The following ZFR2 variants were observed in gnomAD, a reference collection of about 807,000 sequenced individuals.
The protein encoded by ZFR2 is zinc finger RNA binding protein 2, also known as zinc finger RNA-binding protein 2.
ZFR2 carries 104 observed loss-of-function variants against 105.7 expected under a neutral mutation model. The observed-to-expected ratio is 0.98, with a 90% CI of 0.84 to 1.16. The LOEUF (loss-of-function observed/expected upper bound fraction) is 1.16, where lower values mean the gene tolerates loss of function less well. Ranked by LOEUF, ZFR2 falls within the 50% of genes most tolerant of loss-of-function variation. The pLI is 0.00. For missense variants in ZFR2, 1,425 were observed against 1,355.5 expected, an observed-to-expected ratio of 1.05 and a Z score of -0.80; for synonymous variants, 634 against 597.7, an observed-to-expected ratio of 1.06 and a Z score of -0.89.
In ZFR2 at chr19:3,852,672, T is replaced by C. The variant is rs561076539; in HGVS notation, c.53+16293A>G. The C allele has an allele frequency of 4.7e-5, 32 of 678,802 alleles. No homozygotes were observed. The South Asian group carries it at 5.0e-4, about 11-fold the overall frequency. The allele number at this position is 678,802 out of a possible 1,614,324, so 42.0% of individuals were successfully genotyped here. A position where few individuals can be genotyped will look rare whatever the true frequency, so the allele number is the denominator to read the frequency against. ...CATGGATATAAGGGTGGATGAAGGA[T>C]GAAGGCATTTTGGCAACAATCTGCC... On this transcript the variant is annotated intron_variant, in intron 1 of 18. Transcript: ENST00000262961.
intron 1 of ZFR2, among the ~76,000 whole-genome samples, chr19:3,859,179 T>A (rs2038341533): frequency 6.6e-6 from 1 of 152,028 alleles, no homozygotes; most frequent in South Asian, 2.1e-4. Flanking sequence ...ACTGGCTGAG[T>A]CTACAGGCCT....
intron 1 of ZFR2, among the ~76,000 whole-genome samples, chr19:3,868,428 A>C (rs1045316108): frequency 6.8e-5 from 10 of 146,986 alleles, no homozygotes; most frequent in Non-Finnish European, 9.0e-5. Flanking sequence ...GCCCAGCCAG[A>C]CACCCTCCTA....
intron 1 of ZFR2, among the ~76,000 whole-genome samples, chr19:3,865,789 A>G (rs554222919): frequency 1.7e-4 from 26 of 152,304 alleles, no homozygotes; most frequent in Non-Finnish European, 3.4e-4. Context: ...AAATTGGTAC[A>G]CAAAATCTGG....
intron 1 of ZFR2, among the ~76,000 whole-genome samples, chr19:3,843,241 C>T (rs1471732320): frequency 1.3e-5 from 2 of 151,890 alleles, no homozygotes; most frequent in Non-Finnish European, 1.5e-5. Flanking sequence ...GTGGCCGAGG[C>T]GGGCGGATCA....
chr19:3,828,834 C>G (rs1400180573), intron 5 of ZFR2, among the ~76,000 whole-genome samples: 1 of 152,194 alleles, frequency 6.6e-6, no homozygotes, highest in Non-Finnish European at 1.5e-5. Context: ...TGGGCACTGC[C>G]CCGTCACCTG....
chr19:3,851,227 C>G (rs1003987121), intron 1 of ZFR2, among the ~76,000 whole-genome samples: 2 of 152,050 alleles, frequency 1.3e-5, no homozygotes, highest in African/African-American at 2.4e-5. Flanking sequence ...GGGTGATGGA[C>G]AGGGGGACAG....
Position 3,813,868 on chromosome 19 carries a change from T to C in ZFR2, c.2194A>G (p.Ile732Val), listed in dbSNP as rs1346842184. The change falls in exon 14 of 19, where the codon ATA becomes GTA. Residue 732 changes from isoleucine (I) to valine (V), a missense_variant. Transcript: ENST00000262961. The surrounding 1 kb of genome is among the most constrained non-coding windows in gnomAD (Gnocchi z 4.4). ...CGCATCAGAGGTGAGGTGACAGATA[T>C]GGTGACCTGCATCCTGGGCTCCTCA... ...SCEEPRMQVT[I>V]SVTSPLMRED... The C allele has an allele frequency of 1.2e-6, 2 of 1,613,766 alleles. No homozygotes were observed. Among genetic ancestry groups the C allele is most frequent in the Admixed American group, 1.7e-5 (1 of 59,996 alleles).
intron 1 of ZFR2, among the ~76,000 whole-genome samples, chr19:3,863,788 TGTGA>T (rs1335448703): frequency 6.6e-6 from 1 of 152,190 alleles, no homozygotes; most frequent in African/African-American, 2.4e-5. Flanking sequence ...CAGCCCTGAC[TGTGA>T]GTGAGGCACT....
Position 3,804,031 on chromosome 19 carries a change from G to T in ZFR2, c.*1918C>A, listed in dbSNP as rs1382909678. The T allele has an allele frequency of 6.6e-6, 1 of 152,312 alleles. No individual in the cohort carries two copies. Among genetic ancestry groups the T allele is most frequent in the African/African-American group, 2.4e-5 (1 of 41,440 alleles). 9.4% of individuals were successfully genotyped at this position (152,312 alleles called of 1,614,324 possible). A position where few individuals can be genotyped will look rare whatever the true frequency, so the allele number is the denominator to read the frequency against. ...GGCACGGCTCACACAAAAGACAAAT[G>T]ATTTCCTTTATTCCCCCTGCCTCCC... On this transcript the variant is annotated 3_prime_UTR_variant, in exon 19 of 19. Coordinates refer to ENST00000262961, the MANE Select transcript of ZFR2 (RefSeq NM_015174.2).
At chr19:3,867,302 G>GT (rs1422470509) in intron 1 of ZFR2, among the ~76,000 whole-genome samples, 2 of 68,110 alleles carry the variant, frequency 2.9e-5, no homozygotes, top group African/African-American at 1.6e-4. Context: ...ATGATCAACT[G>GT]TTGGGGGGGG....
chr19:3,855,059 T>C (rs1422087139), intron 1 of ZFR2, among the ~76,000 whole-genome samples: 1 of 151,996 alleles, frequency 6.6e-6, no homozygotes, highest in Non-Finnish European at 1.5e-5. Context: ...TGTGCCCAGC[T>C]AATTTTTTAA....
chr19:3,807,039 C>G (rs994056615), intron 18 of ZFR2, 133 bp downstream of exon 18: 42 of 685,884 alleles, frequency 6.1e-5, no homozygotes, highest in Non-Finnish European at 9.8e-5. Flanking sequence ...CACCCACGGG[C>G]CGCCCTCCTG....
chr19:3,858,812 C>G lies in ZFR2; in HGVS notation c.53+10153G>C, dbSNP rs750369485. 2.0e-5 allele frequency among the ~76,000 whole-genome samples: 3 copies of G among 152,096 alleles called. No individual in the cohort carries two copies. The highest frequency in any genetic ancestry group is 4.8e-5 in the African/African-American group (2 of 41,412). On this transcript the variant is annotated intron_variant, in intron 1 of 18. Coordinates refer to ENST00000262961, the MANE Select transcript of ZFR2 (RefSeq NM_015174.2). This position sits in a 1 kb window ranked among gnomAD's most constrained non-coding sequence, Gnocchi z 4.3. ...CAGCCTGGGCGACAGAGTGAGACTC[C>G]GTCTCAAAAAGAAAAAACTAAAATA...
In ZFR2 at chr19:3,825,230, C is replaced by A; in HGVS notation, c.1213G>T (p.Gly405Trp). Residue 405 changes from glycine to tryptophan, a missense_variant and splice_region_variant, in exon 7 of 19, where the codon GGG (glycine) becomes TGG (tryptophan). By Grantham distance (184) the Gly-to-Trp change is radical. Coordinates refer to ENST00000262961, the MANE Select transcript of ZFR2 (RefSeq NM_015174.2). ...RPVASKALCE[G>W]PPEPQAAGCR... Reference sequence around the variant, plus strand: ...CGAACACGCATACAGACACACGTACCCTCGCATAAGGCCTTCGAGGCCACG... The same window carrying A: ...CGAACACGCATACAGACACACGTACACTCGCATAAGGCCTTCGAGGCCACG... 2.0e-6 allele frequency: 3 copies of A among 1,530,688 alleles called. No homozygotes were observed. Among genetic ancestry groups the A allele is most frequent in the Non-Finnish European group, 1.7e-6 (2 of 1,147,046 alleles). The allele number at this position is 1,530,688 out of a possible 1,614,324, so 94.8% of individuals were successfully genotyped here.
In ZFR2 at chr19:3,820,220, T is replaced by C; in HGVS notation, c.1702A>G (p.Met568Val). ...APPDWAQPLLMGRPESPASAP... is the reference protein window; with the variant it reads ...APPDWAQPLLVGRPESPASAP... ...CTGGCGGGTGACTCCGGCCTGCCCA[T>C]GAGCAGAGGCTGGGCCCAGTCGGGC... The change falls in exon 11 of 19, where the codon ATG becomes GTG. Residue 568 changes from methionine to valine, a missense_variant. By Grantham distance (21) the Met-to-Val change is conservative. Coordinates refer to ENST00000262961, the MANE Select transcript of ZFR2 (RefSeq NM_015174.2). 2 of 1,552,344 alleles carry C rather than the reference T, an allele frequency of 1.3e-6. No homozygotes were observed. Among genetic ancestry groups the C allele is most frequent in the Non-Finnish European group, 1.7e-6 (2 of 1,147,890 alleles).
At position 3,827,591 on chromosome 19, in the gene ZFR2, G is replaced by T. The variant is rs781068252; in HGVS notation, c.915C>A (p.Gly305=). Residue 305 remains glycine, a synonymous_variant, in exon 6 of 19, where the codon GGC becomes GGA. Transcript: ENST00000262961. ...CGCGCGGGCTCCCGTTGGGCTGCAC[G>T]CCTGTCTTCTGGGCCGCCTCCTTCT... The part of the protein sequence containing the change: ...HRKKEAAQKT[G]VQPNGSPRGV... 6 of 1,576,096 alleles carry T rather than the reference G, an allele frequency of 3.8e-6. No individual in the cohort carries two copies. Among genetic ancestry groups the T allele is most frequent in the African/African-American group, 1.4e-5 (1 of 73,898 alleles).
In ZFR2 at chr19:3,831,730, G is replaced by A. The variant is rs199935128; in HGVS notation, c.528C>T (p.Pro176=). 54 of 1,602,898 alleles carry A rather than the reference G, an allele frequency of 3.4e-5. No homozygotes were observed. The highest frequency in any genetic ancestry group is 4.0e-5 in the Non-Finnish European group (47 of 1,174,654). Residue 176 remains proline (P), a synonymous_variant, in exon 4 of 19, where the codon CCC becomes CCT. Coordinates refer to ENST00000262961, the MANE Select transcript of ZFR2 (RefSeq NM_015174.2). ...AGGTCACGATGGAAGCTGACGACTC[G>A]GGCTGGACGCCTGTCGCCGTGGGGT... is the stretch of plus-strand genomic sequence containing the variant. The part of the protein sequence containing the change: ...YTYPTATGVQ[P]ESSASIVTSY...
intron 6 of ZFR2, among the ~76,000 whole-genome samples, chr19:3,826,652 G>T (rs1388339016): frequency 6.6e-6 from 1 of 151,616 alleles, no homozygotes; most frequent in Non-Finnish European, 1.5e-5. Flanking sequence ...TGGCCAGGCT[G>T]GTCTCAGGCT....
Position 3,825,183 on chromosome 19 carries a change from G to A in ZFR2, c.1213+47C>T, listed in dbSNP as rs913856409. Reference sequence around the variant, plus strand: ...TTTTCTCACGAAACTTTCACTAGGCGGCCAGGGCTCTGGTGGGTACACGAA... The same window carrying A: ...TTTTCTCACGAAACTTTCACTAGGCAGCCAGGGCTCTGGTGGGTACACGAA... On this transcript the variant is annotated intron_variant, in intron 7 of 18. Transcript: ENST00000262961. The A allele has an allele frequency of 6.4e-6, 9 of 1,415,244 alleles. No individual in the cohort carries two copies. In the African/African-American group the frequency reaches 9.1e-5, roughly 14 times the overall value. 87.7% of individuals were successfully genotyped at this position (1,415,244 alleles called of 1,614,324 possible).
Sources: allele counts gnomAD v4.1 joint callset (sites outside exome capture counted in the v4.1 genomes callset), GRCh38; gene constraint gnomAD v4.1.1; non-coding constraint Gnocchi (gnomAD v3.1); transcripts MANE v1.5; gene names NCBI Gene and HGNC (gene_info 2026-07-23, HGNC 2026-07-21).